Variants in RHCE observed in about 807,000 individuals in gnomAD.
The protein encoded by RHCE is Rh blood group CcEe antigens.
RHCE carries 22 observed loss-of-function variants against 43.8 expected under a neutral mutation model. That is an observed-to-expected ratio of 0.50 (90% CI 0.36 to 0.72). The LOEUF is 0.72. Ranked by LOEUF, RHCE falls within the 30% of genes least tolerant of loss-of-function variation. The pLI is 0.00. For synonymous variants in RHCE, 156 were observed against 210.7 expected, an observed-to-expected ratio of 0.74 and a Z score of 2.25; for missense variants, 385 against 525.4, an observed-to-expected ratio of 0.73 and a Z score of 2.61.
rs1197706176 is a variant in RHCE at position 25,406,695 on chromosome 1, G to C, written c.335+1988C>G. Among the ~76,000 whole-genome samples, 10 of 113,564 alleles carry C rather than the reference G, an allele frequency of 8.8e-5. 4 individuals are homozygous for C. The highest frequency in any genetic ancestry group is 1.0e-4 in the Admixed American group (1 of 10,008). The allele number at this position is 113,564 out of a possible 152,430, so 74.5% of individuals were successfully genotyped here. ...GGCTAGAGTGCAGTGGCACGATCTC[G>C]GCTCACTGCAAACTCCGCCTCCAAG... On this transcript the variant is annotated intron_variant, in intron 2 of 9. Transcript: ENST00000294413.
chr1:25,416,271 A>AT (rs896319272), intron 1 of RHCE, among the ~76,000 whole-genome samples: 109 of 148,050 alleles, frequency 7.4e-4, no homozygotes, highest in African/African-American at 2.3e-3. Context: ...TTTTATTTTC[A>AT]TTTTTTTTTT....
intron 1 of RHCE, among the ~76,000 whole-genome samples, chr1:25,412,404 G>C (rs1647109510): frequency 6.6e-6 from 1 of 152,152 alleles, no homozygotes; most frequent in African/African-American, 2.4e-5. Context: ...TAAGGGCAGA[G>C]TTGGGGCCCT....
At chr1:25,414,635 G>A (rs142624316) in intron 1 of RHCE, among the ~76,000 whole-genome samples, 108 of 151,118 alleles carry the variant, frequency 7.1e-4, no homozygotes, top group African/African-American at 2.4e-3. Context: ...CCTTTGAGGA[G>A]TATGGGGTGG....
At chr1:25,406,178 T>C (rs186610398) in intron 2 of RHCE, among the ~76,000 whole-genome samples, 1 of 122,240 alleles carries the variant, frequency 8.2e-6, no homozygotes, top group Non-Finnish European at 1.9e-5. Flanking sequence ...ACCATTTGAA[T>C]TCCCCCCAGG....
intron 1 of RHCE, among the ~76,000 whole-genome samples, chr1:25,411,958 C>G (rs1042936713): frequency 2.0e-5 from 3 of 152,150 alleles, no homozygotes; most frequent in Admixed American, 6.5e-5. Flanking sequence ...ATGAGTAGAG[C>G]AATTCTTCCA....
intron 1 of RHCE, among the ~76,000 whole-genome samples, chr1:25,418,639 G>C (rs962724631): frequency 3.3e-5 from 5 of 152,212 alleles, no homozygotes; most frequent in African/African-American, 9.6e-5. Flanking sequence ...GCAATGCAAT[G>C]TTAAGCCCAA....
At chr1:25,421,002 C>T, upstream of RHCE, 1 of 608,522 alleles carries the variant, frequency 1.6e-6, no homozygotes, top group Non-Finnish European at 2.9e-6. Context: ...CCAATATTGT[C>T]ATTCATTCAA....
intron 6 of RHCE, among the ~76,000 whole-genome samples, chr1:25,388,112 T>C (rs546355952): frequency 6.6e-6 from 1 of 150,442 alleles, no homozygotes; most frequent in Non-Finnish European, 1.5e-5. Flanking sequence ...AGCCAGTTTT[T>C]CCTAATTTTA....
At chr1:25,393,869 C>T (rs1022627755) in intron 3 of RHCE, among the ~76,000 whole-genome samples, 1 of 152,036 alleles carries the variant, frequency 6.6e-6, no homozygotes, top group Non-Finnish European at 1.5e-5. Context: ...CAGGGTGTAA[C>T]AAGGGCAGGA....
intron 1 of RHCE, among the ~76,000 whole-genome samples, chr1:25,412,717 A>T (rs1274130464): frequency 4.6e-5 from 6 of 130,804 alleles, no homozygotes; most frequent in African/African-American, 1.3e-4. Context: ...CCTTTTTTTA[A>T]AAAAAAAAAA....
In RHCE at chr1:25,369,935, T is replaced by C. The variant is rs188205582; in HGVS notation, c.1227+532A>G. On this transcript the variant is annotated intron_variant, in intron 9 of 9. Transcript: ENST00000294413. ...TGTATTTTTAGTAGAGATGGGGTTT[T>C]GACACGTTGGCCAGGCTGGTCTCGA... is the stretch of plus-strand genomic sequence containing the variant. Among the ~76,000 whole-genome samples, 97 of 151,224 alleles carry C rather than the reference T, an allele frequency of 6.4e-4. 2 individuals carry two copies. In the East Asian group the frequency reaches 0.016, roughly 25 times the overall value.
chr1:25,372,145 G>A (rs559906270), intron 8 of RHCE, among the ~76,000 whole-genome samples: 4 of 151,788 alleles, frequency 2.6e-5, no homozygotes, highest in East Asian at 3.9e-4. Flanking sequence ...GCCATATAAC[G>A]TGGAAAAGGT....
chr1:25,380,994 C>G (rs1330449098), intron 7 of RHCE, among the ~76,000 whole-genome samples: 4 of 150,804 alleles, frequency 2.7e-5, no homozygotes, highest in Non-Finnish European at 5.9e-5. Flanking sequence ...CTCTGCCTCC[C>G]GGGTTCATGC....
chr1:25,384,292 AT>A (rs1458939238), intron 7 of RHCE, among the ~76,000 whole-genome samples: 3 of 151,698 alleles, frequency 2.0e-5, no homozygotes, highest in African/African-American at 7.3e-5. Flanking sequence ...AAAACTCTAG[AT>A]TTTGAGCTCT....
rs1571872403 is a variant in RHCE at position 25,392,003 on chromosome 1, C to T, written c.625G>A (p.Ala209Thr). Residue 209 changes from alanine to threonine, a missense_variant, in exon 4 of 10, where the codon GCC becomes ACC. Coordinates refer to ENST00000294413, the MANE Select transcript of RHCE (RefSeq NM_020485.8). ...CCCACCTTGTCCTTACCCAGCATGGCAGACAAACTGGGTATCGTTGCTCTC... is the reference window on the plus strand; with the variant it reads ...CCCACCTTGTCCTTACCCAGCATGGTAGACAAACTGGGTATCGTTGCTCTC... ...DQRATIPSLS[A>T]MLGALFLWMF... 1.2e-6 allele frequency: 2 copies of T among 1,614,048 alleles called. No individual in the cohort carries two copies. Among genetic ancestry groups the T allele is most frequent in the Non-Finnish European group, 8.5e-7 (1 of 1,180,014 alleles).
chr1:25,390,512 T>A (rs1646323376), intron 5 of RHCE, among the ~76,000 whole-genome samples: 1 of 152,188 alleles, frequency 6.6e-6, no homozygotes, highest in Non-Finnish European at 1.5e-5. Context: ...CATGTTAGCA[T>A]GGATGGATTT....
At chr1:25,389,214 T>A in intron 5 of RHCE, 101 bp from the exon 6 acceptor site, 3 of 1,474,940 alleles carry the variant, frequency 2.0e-6, no homozygotes, top group Non-Finnish European at 2.8e-6. Context: ...CCCTGTAACA[T>A]CCTCCCTGCT....
At chr1:25,385,614 C>T (rs1646129557) in intron 7 of RHCE, 97 bp downstream of exon 7, 17 of 1,554,970 alleles carry the variant, frequency 1.1e-5, no homozygotes, top group South Asian at 6.7e-5. Flanking sequence ...GAGCACCTGG[C>T]CCCGAGTGCA....
Position 25,390,199 on chromosome 1 carries a change from A to G in RHCE, c.801+550T>C, listed in dbSNP as rs182645516. On this transcript the variant is annotated intron_variant, in intron 5 of 9. Coordinates refer to ENST00000294413, the MANE Select transcript of RHCE (RefSeq NM_020485.8). The stretch of plus-strand genomic sequence containing the variant: ...ACACACACCATTGTCTCTCTGTACT[A>G]ATAGCAGCAGCTAATGTTTGCCTAC... Among the ~76,000 whole-genome samples, 611 of 152,254 alleles carry G rather than the reference A, an allele frequency of 4.0e-3. 3 individuals are homozygous for G. The highest frequency in any genetic ancestry group is 0.013 in the African/African-American group (552 of 41,530).
Sources: gnomAD v4.1 joint callset for allele counts (sites outside exome capture counted in the v4.1 genomes callset) on GRCh38, gnomAD v4.1.1 for gene constraint, MANE v1.5 for transcripts, NCBI Gene and HGNC (gene_info 2026-07-23, HGNC 2026-07-21) for gene names.